The following NRXN3 variants were observed in gnomAD, a reference collection of about 807,000 sequenced individuals.
NRXN3 encodes neurexin III.
A neutral mutation model predicts 137.6 loss-of-function variants in NRXN3; 32 were observed. The ratio of observed to expected loss-of-function variants is 0.23; its 90% CI spans 0.18 to 0.31. The LOEUF is 0.31. NRXN3 is among the 10% of genes least tolerant of loss of function. The pLI, the probability that NRXN3 is intolerant of heterozygous loss-of-function variation, is 1.00. For missense variants in NRXN3, 1,574 were observed against 2,062.5 expected (o/e 0.76, Z 4.59); for synonymous variants, 798 against 784.5 (o/e 1.02, Z -0.29).
chr14:78,298,061 C>G (rs2153527298), intron 4 of NRXN3, among the ~76,000 whole-genome samples: 1 of 152,342 alleles, frequency 6.6e-6, no homozygotes, highest in Non-Finnish European at 1.5e-5. Context: ...CCCCTATTGT[C>G]CCCTTGGCTT....
chr14:79,534,417 C>T (rs1345606920), intron 16 of NRXN3, among the ~76,000 whole-genome samples: 1 of 152,142 alleles, frequency 6.6e-6, no homozygotes, highest in South Asian at 2.1e-4. Context: ...TCTAAAGCAT[C>T]CAACACAGTG....
At position 79,189,508 on chromosome 14, in the gene NRXN3, G is replaced by A. The variant is rs540545877; in HGVS notation, c.3262+201367G>A. On this transcript the variant is annotated intron_variant, in intron 15 of 20. Coordinates refer to ENST00000335750, the MANE Select transcript of NRXN3 (RefSeq NM_001330195.2). ...CATGTGTAACTAACCTGCACATTGT[G>A]CACATGTACCCTAGAACTTGAAGTA... 2.0e-3 allele frequency among the ~76,000 whole-genome samples: 301 copies of A among 151,844 alleles called. 1 individual carries two copies. The highest frequency in any genetic ancestry group is 7.0e-3 in the African/African-American group (291 of 41,382).
intron 15 of NRXN3, among the ~76,000 whole-genome samples, chr14:79,238,886 G>A (rs1464757681): frequency 6.6e-6 from 1 of 151,964 alleles, no homozygotes. Context: ...GTGTTATTTG[G>A]GACCAATTTC....
At chr14:78,982,894 G>A (rs920187165) in intron 14 of NRXN3, among the ~76,000 whole-genome samples, 2 of 151,994 alleles carry the variant, frequency 1.3e-5, no homozygotes, top group Non-Finnish European at 2.9e-5. Context: ...TATCTGATAA[G>A]GCACTATTAT....
intron 15 of NRXN3, among the ~76,000 whole-genome samples, chr14:79,171,143 C>CCCCAGGCATAGA (rs1222040301): frequency 1.3e-5 from 2 of 151,998 alleles, no homozygotes; most frequent in African/African-American, 4.8e-5. Context: ...CACTGACTCC[C>CCCCAGGCATAGA]CCCAGGCATA....
chr14:78,349,567 C>T (rs989100311), intron 4 of NRXN3, among the ~76,000 whole-genome samples: 1 of 152,146 alleles, frequency 6.6e-6, no homozygotes. Flanking sequence ...GATTGTGTGT[C>T]ACTCATTTTA....
intron 17 of NRXN3, among the ~76,000 whole-genome samples, chr14:79,682,518 T>A (rs942272582): frequency 6.6e-6 from 1 of 152,282 alleles, no homozygotes; most frequent in African/African-American, 2.4e-5. Flanking sequence ...GGCTGCCAGC[T>A]GGTTTAATTT....
intron 16 of NRXN3, among the ~76,000 whole-genome samples, chr14:79,496,694 A>C (rs2096771015): frequency 6.6e-6 from 1 of 152,202 alleles, no homozygotes; most frequent in Non-Finnish European, 1.5e-5. Context: ...AGTTAAAATT[A>C]GAGGTAAAAC....
intron 8 of NRXN3, among the ~76,000 whole-genome samples, chr14:78,762,298 T>A (rs2098694991): frequency 6.6e-6 from 1 of 152,202 alleles, no homozygotes; most frequent in Non-Finnish European, 1.5e-5. Context: ...ATTCACTCAT[T>A]CTGTTCTTGC....
chr14:78,749,583 G>T (rs1291768536), intron 8 of NRXN3, among the ~76,000 whole-genome samples: 1 of 152,162 alleles, frequency 6.6e-6, no homozygotes, highest in Non-Finnish European at 1.5e-5. Context: ...ATCTGAAGCT[G>T]ATGTTCTGGA....
At chr14:79,477,785 A>G (rs909140003) in intron 16 of NRXN3, among the ~76,000 whole-genome samples, 73 of 152,232 alleles carry the variant, frequency 4.8e-4, no homozygotes, top group African/African-American at 1.7e-3. Flanking sequence ...ATGATGATGC[A>G]TATAGGAAGG....
At position 79,394,332 on chromosome 14, in the gene NRXN3, A is replaced by G. The variant is rs568328925; in HGVS notation, c.3263-72889A>G. On this transcript the variant is annotated intron_variant, in intron 15 of 20. Coordinates refer to ENST00000335750, the MANE Select transcript of NRXN3 (RefSeq NM_001330195.2). ...GAGCTTGTTACCACCACAGTAAGCA[A>G]TTTGCATGGAGTATCTCAGTTCTCG... is the stretch of plus-strand genomic sequence containing the variant. Among the ~76,000 whole-genome samples, 8 of 152,338 alleles carry G rather than the reference A, an allele frequency of 5.3e-5. No homozygotes were observed. The East Asian group carries it at 1.2e-3, about 22-fold the overall frequency.
In NRXN3 at chr14:79,527,744, A is replaced by T. The variant is rs143312483; in HGVS notation, c.3444+60342A>T. On this transcript the variant is annotated intron_variant, in intron 16 of 20. Transcript: ENST00000335750. ...AAAAATTAGCTGGGCGTGGTGGTGC[A>T]CCTGTAGTCCCAGCTACTTGGGAGG... Among the ~76,000 whole-genome samples the T allele has an allele frequency of 1.7e-3, 251 of 151,336 alleles. 5 individuals carry two copies. In the East Asian group the frequency reaches 0.033, roughly 20 times the overall value.
Position 79,502,130 on chromosome 14 carries a change from C to A in NRXN3, c.3444+34728C>A, listed in dbSNP as rs546851380. ...ACTCATTGACCAACTGCAGGTCTGG[C>A]ATGATCATCACAAAGAATTGGCACT... On this transcript the variant is annotated intron_variant, in intron 16 of 20. Coordinates refer to ENST00000335750, the MANE Select transcript of NRXN3 (RefSeq NM_001330195.2). Among the ~76,000 whole-genome samples the A allele has an allele frequency of 3.2e-4, 49 of 152,266 alleles. 1 individual carries two copies. Among genetic ancestry groups the A allele is most frequent in the African/African-American group, 1.1e-3 (44 of 41,550 alleles).
intron 4 of NRXN3, among the ~76,000 whole-genome samples, chr14:78,348,441 C>T (rs923405084): frequency 6.6e-6 from 1 of 152,230 alleles, no homozygotes; most frequent in Non-Finnish European, 1.5e-5. Context: ...CCTAACACAA[C>T]ATTCAGCTCA....
At chr14:79,049,010 G>A (rs1175019541) in intron 15 of NRXN3, among the ~76,000 whole-genome samples, 17 of 94,668 alleles carry the variant, frequency 1.8e-4, no homozygotes, top group Non-Finnish European at 2.8e-4. Context: ...GCGACAGAGC[G>A]AAACTCCGTC....
At chr14:79,410,215 G>A (rs992338374) in intron 15 of NRXN3, among the ~76,000 whole-genome samples, 7 of 151,342 alleles carry the variant, frequency 4.6e-5, no homozygotes, top group Admixed American at 1.3e-4. Flanking sequence ...ACACACACAC[G>A]TGCATACTCT....
intron 15 of NRXN3, among the ~76,000 whole-genome samples, chr14:79,142,224 A>G (rs945155106): frequency 1.3e-5 from 2 of 152,182 alleles, no homozygotes; most frequent in Non-Finnish European, 1.5e-5. Flanking sequence ...GTCGGGATAC[A>G]AGACCAGCCT....
chr14:78,394,695 G>T (rs928323303), intron 4 of NRXN3, among the ~76,000 whole-genome samples: 1 of 151,744 alleles, frequency 6.6e-6, no homozygotes, highest in Non-Finnish European at 1.5e-5. Flanking sequence ...TCTGGACCTA[G>T]AGATTTTATT....
Sources: gnomAD v4.1 joint callset for allele counts (sites outside exome capture counted in the v4.1 genomes callset) on GRCh38, gnomAD v4.1.1 for gene constraint, MANE v1.5 for transcripts, NCBI Gene and HGNC (gene_info 2026-07-23, HGNC 2026-07-21) for gene names.